Variants in LARP4B observed in about 807,000 individuals in gnomAD.
LARP4B encodes the protein La ribonucleoprotein 4B.
LARP4B carries 12 observed loss-of-function variants against 89.8 expected under a neutral mutation model. The ratio of observed to expected loss-of-function variants is 0.13; its 90% CI spans 0.09 to 0.22. The LOEUF is 0.22. Among genes scored for constraint, LARP4B ranks in the 10% least tolerant of loss-of-function variants. The probability of loss-of-function intolerance (pLI) is 1.00; values close to 1 mark genes in which losing one functional copy is unlikely to be tolerated. For synonymous variants in LARP4B, 367 were observed against 363.3 expected, an observed-to-expected ratio of 1.01 and a Z score of -0.12; for missense variants, 757 against 947.7, an observed-to-expected ratio of 0.80 and a Z score of 2.64.
chr10:859,233 T>C (rs1324059471), intron 5 of LARP4B, among the ~76,000 whole-genome samples: 3 of 150,328 alleles, frequency 2.0e-5, no homozygotes, highest in East Asian at 1.9e-4. Flanking sequence ...GAGCTGAGAT[T>C]GCTCCAGTGC....
chr10:860,454 G>C (rs1208181147), intron 5 of LARP4B, among the ~76,000 whole-genome samples: 1 of 152,160 alleles, frequency 6.6e-6, no homozygotes, highest in Non-Finnish European at 1.5e-5. Context: ...AGATGATCCA[G>C]CTACTCCATT....
At chr10:985,661 T>A in the LARP4B span, 1 of 152,254 alleles carries the variant, frequency 6.6e-6, no homozygotes, top group African/African-American at 2.4e-5. Flanking sequence ...TTCCTCTTTA[T>A]GGCACAGTGT....
chr10:973,527 A>G, the LARP4B span, among the ~76,000 whole-genome samples: 1 of 151,824 alleles, frequency 6.6e-6, no homozygotes, highest in Admixed American at 6.6e-5. Context: ...GATTTTTTGT[A>G]TTTTTAGTAG....
chr10:820,598 CA>C, intron 14 of LARP4B: 1 of 573,026 alleles, frequency 1.7e-6, no homozygotes, highest in Admixed American at 3.2e-5. Flanking sequence ...TCCTGTGCAG[CA>C]CATCGCTATT....
the LARP4B span, among the ~76,000 whole-genome samples, chr10:975,151 A>C: frequency 1.3e-5 from 2 of 152,220 alleles, no homozygotes; most frequent in Non-Finnish European, 2.9e-5. Flanking sequence ...AATACATACA[A>C]GTTACTTTCA....
rs928591844 is a variant in LARP4B at position 833,355 on chromosome 10, C to T, written c.751-2378G>A. On this transcript the variant is annotated intron_variant, in intron 8 of 17. Transcript: ENST00000316157. ...TACAAAGCCGTCCTGGGCGGCATGC[C>T]GCCCACGGGCTGAAGAAGCATGCCC... 2.7e-5 allele frequency among the ~76,000 whole-genome samples: 4 copies of T among 150,252 alleles called. 1 individual carries two copies. Among genetic ancestry groups the T allele is most frequent in the Admixed American group, 2.0e-4 (3 of 15,094 alleles).
intron 5 of LARP4B, among the ~76,000 whole-genome samples, chr10:862,595 C>G (rs533401696): frequency 6.6e-6 from 1 of 152,208 alleles, no homozygotes; most frequent in East Asian, 1.9e-4. Flanking sequence ...CCCATCTTTA[C>G]TAAAAATACA....
chr10:849,519 A>C (rs527983496), intron 5 of LARP4B, among the ~76,000 whole-genome samples: 12 of 152,354 alleles, frequency 7.9e-5, no homozygotes, highest in Non-Finnish European at 1.3e-4. Flanking sequence ...AAATAAATAA[A>C]GGAGAAGAGA....
the LARP4B span, among the ~76,000 whole-genome samples, chr10:977,849 CA>C: frequency 6.6e-6 from 1 of 152,096 alleles, no homozygotes; most frequent in Non-Finnish European, 1.5e-5. Context: ...ATGCTCCACC[CA>C]TACCAAGGGA....
chr10:964,957 A>T, the LARP4B span, among the ~76,000 whole-genome samples: 1 of 152,084 alleles, frequency 6.6e-6, no homozygotes, highest in Non-Finnish European at 1.5e-5. Flanking sequence ...ACTGACACAC[A>T]CTCAGTGTAG....
At chr10:850,517 C>T (rs1346179535) in intron 5 of LARP4B, among the ~76,000 whole-genome samples, 1 of 152,156 alleles carries the variant, frequency 6.6e-6, no homozygotes, top group Non-Finnish European at 1.5e-5. Flanking sequence ...GATAAACAGA[C>T]AAATGCAAAA....
intron 3 of LARP4B, among the ~76,000 whole-genome samples, chr10:866,130 G>A (rs984018583): frequency 1.3e-5 from 2 of 152,194 alleles, no homozygotes; most frequent in African/African-American, 2.4e-5. Context: ...TGCTCCCCCA[G>A]TCACTGGAGC....
intron 5 of LARP4B, among the ~76,000 whole-genome samples, chr10:848,482 T>G (rs1190627192): frequency 6.6e-6 from 1 of 151,658 alleles, no homozygotes; most frequent in African/African-American, 2.4e-5. Flanking sequence ...GACACAGATG[T>G]TAAAATTAAC....
At chr10:819,841 G>C (rs1336097180) in intron 14 of LARP4B, 1 of 152,262 alleles carries the variant, frequency 6.6e-6, no homozygotes, top group African/African-American at 2.4e-5. Context: ...TTTGTGATGA[G>C]AAAGCACCTG....
chr10:886,063 A>T (rs557968124), intron 1 of LARP4B, among the ~76,000 whole-genome samples: 3 of 152,306 alleles, frequency 2.0e-5, no homozygotes, highest in Admixed American at 6.5e-5. Context: ...AAAAAACAGA[A>T]AATTGAAGGC....
intron 3 of LARP4B, chr10:872,878 G>C (rs1209568826): frequency 5.2e-6 from 1 of 193,568 alleles, no homozygotes; most frequent in Non-Finnish European, 9.5e-6. Flanking sequence ...ATATAAAAGA[G>C]GAAAGAGGGT....
rs555931071 is a variant in LARP4B, at chr10:901,852, T to C, written c.-39-16092A>G. Among the ~76,000 whole-genome samples the C allele has an allele frequency of 1.6e-4, 25 of 152,288 alleles. 1 individual carries two copies. Among genetic ancestry groups the C allele is most frequent in the African/African-American group, 5.3e-4 (22 of 41,552 alleles). ...AGAAAATGTGAGTTTTATTTATAGTTTGAGTTGGTTCTCCTCCTAAGGAGG... is the reference window on the plus strand; with the variant it reads ...AGAAAATGTGAGTTTTATTTATAGTCTGAGTTGGTTCTCCTCCTAAGGAGG... On this transcript the variant is annotated intron_variant, in intron 1 of 17. Coordinates refer to ENST00000316157, the MANE Select transcript of LARP4B (RefSeq NM_015155.3).
the LARP4B span, among the ~76,000 whole-genome samples, chr10:970,107 T>C: frequency 1.3e-5 from 2 of 152,214 alleles, no homozygotes; most frequent in Non-Finnish European, 2.9e-5. Flanking sequence ...GACACAATGC[T>C]GATGGAAGGA....
At chr10:914,510 A>G (rs1361603326) in intron 1 of LARP4B, among the ~76,000 whole-genome samples, 1 of 144,640 alleles carries the variant, frequency 6.9e-6, no homozygotes, top group Non-Finnish European at 1.5e-5. Flanking sequence ...AAAAAAAAAA[A>G]GTCGAGTGAG....
Sources: gnomAD v4.1 joint callset for allele counts (sites outside exome capture counted in the v4.1 genomes callset) on GRCh38, gnomAD v4.1.1 for gene constraint, MANE v1.5 for transcripts, NCBI Gene and HGNC (gene_info 2026-07-23, HGNC 2026-07-21) for gene names.